SKAP1: variants seen among roughly 807,000 people sequenced by gnomAD.
SKAP1 encodes src kinase-associated phosphoprotein 1.
In SKAP1, 44 loss-of-function variants were observed where a neutral mutation model predicts 58.5. That is an observed-to-expected ratio of 0.75 (90% confidence interval 0.59 to 0.97). The LOEUF (loss-of-function observed/expected upper bound fraction) is 0.97, where lower values mean the gene tolerates loss of function less well. SKAP1 is among the 50% of genes least tolerant of loss of function. SKAP1 has a pLI of 0.00. For synonymous variants in SKAP1, 127 were observed against 149.7 expected (o/e 0.85, Z 1.11); for missense variants, 390 against 435.2 (o/e 0.90, Z 0.92).
chr17:48,250,279 T>G (rs1009245079), intron 4 of SKAP1, among the ~76,000 whole-genome samples: 3,530 of 68,194 alleles, frequency 0.052, 220 homozygotes, highest in African/African-American at 0.11. Flanking sequence ...ACAGTTTTTT[T>G]TTTTTTTTTT....
intron 4 of SKAP1, among the ~76,000 whole-genome samples, chr17:48,301,560 A>G (rs1374635720): frequency 6.6e-6 from 1 of 152,022 alleles, no homozygotes; most frequent in East Asian, 1.9e-4. Flanking sequence ...TCCTGGGTTC[A>G]AGAATTGCTT....
intron 9 of SKAP1, among the ~76,000 whole-genome samples, chr17:48,171,511 C>T (rs2064215956): frequency 6.6e-6 from 1 of 152,170 alleles, no homozygotes; most frequent in South Asian, 2.1e-4. Flanking sequence ...TCATTACATG[C>T]AAGACATTGC....
At chr17:48,139,314 T>TG (rs34835443) in intron 11 of SKAP1, among the ~76,000 whole-genome samples, 83,649 of 151,058 alleles carry the variant, frequency 0.55, 24,184 homozygotes, top group East Asian at 0.76. Context: ...CCTGAGTAGC[T>TG]GGGACTACAG....
chr17:48,443,460 C>CTGTCTGTTTGTT, the SKAP1 span, among the ~76,000 whole-genome samples: 1 of 149,984 alleles, frequency 6.7e-6, no homozygotes, highest in Non-Finnish European at 1.5e-5. Flanking sequence ...CAAGGTAAGT[C>CTGTCTGTTTGTT]TGTTTGTTTG....
chr17:48,343,438 A>G (rs1396933085), intron 4 of SKAP1, among the ~76,000 whole-genome samples: 1 of 152,164 alleles, frequency 6.6e-6, no homozygotes, highest in Non-Finnish European at 1.5e-5. Context: ...GCTAGATTCA[A>G]TGCTTTGCAG....
intron 2 of SKAP1, among the ~76,000 whole-genome samples, chr17:48,391,784 C>CTTTT (rs35958466): frequency 6.9e-5 from 9 of 130,856 alleles, no homozygotes; most frequent in Non-Finnish European, 1.3e-4. Context: ...CTACCTCTTC[C>CTTTT]TTTTTTTTTT....
intron 6 of SKAP1, 75 bp downstream of exon 6, chr17:48,187,768 A>T: frequency 8.8e-6 from 9 of 1,024,944 alleles, no homozygotes; most frequent in Non-Finnish European, 1.4e-5. Flanking sequence ...CTATCTTGGG[A>T]TCTAAGTGCT....
intron 3 of SKAP1, among the ~76,000 whole-genome samples, chr17:48,356,570 G>C (rs2066878829): frequency 6.6e-6 from 1 of 152,050 alleles, no homozygotes; most frequent in African/African-American, 2.4e-5. Context: ...AAGGGTCTCT[G>C]TGTGTGTGGC....
At chr17:48,348,924 T>A (rs1179266133) in intron 3 of SKAP1, among the ~76,000 whole-genome samples, 1 of 152,202 alleles carries the variant, frequency 6.6e-6, no homozygotes, top group African/African-American at 2.4e-5. Flanking sequence ...AAACAGAGCC[T>A]AGGTCAGTAG....
At chr17:48,356,112 C>T (rs577733386) in intron 3 of SKAP1, among the ~76,000 whole-genome samples, 2 of 151,546 alleles carry the variant, frequency 1.3e-5, no homozygotes, top group Admixed American at 6.6e-5. Context: ...AAATTAGCTG[C>T]GCATGGTGGC....
intron 1 of SKAP1, among the ~76,000 whole-genome samples, chr17:48,411,356 G>A (rs1280166987): frequency 2.6e-5 from 4 of 151,682 alleles, no homozygotes; most frequent in Admixed American, 6.6e-5. Context: ...CCGACATCAC[G>A]CCACTGCACA....
intron 2 of SKAP1, among the ~76,000 whole-genome samples, chr17:48,369,230 C>T (rs2067053058): frequency 6.6e-6 from 1 of 151,790 alleles, no homozygotes; most frequent in Non-Finnish European, 1.5e-5. Context: ...GTGGCTCACA[C>T]CTGTAATCCA....
intron 4 of SKAP1, among the ~76,000 whole-genome samples, chr17:48,208,895 T>C (rs2064839197): frequency 6.6e-6 from 1 of 152,200 alleles, no homozygotes; most frequent in Admixed American, 6.5e-5. Context: ...GATGCCAGGG[T>C]TCCATGTCTA....
At chr17:48,283,894 C>T (rs1484828592) in intron 4 of SKAP1, among the ~76,000 whole-genome samples, 1 of 152,138 alleles carries the variant, frequency 6.6e-6, no homozygotes, top group Admixed American at 6.6e-5. Context: ...GATTAATGTC[C>T]CAGACTCTCA....
chr17:48,201,885 T>C (rs1047758891), intron 4 of SKAP1, among the ~76,000 whole-genome samples: 4 of 152,366 alleles, frequency 2.6e-5, no homozygotes, highest in East Asian at 1.9e-4. Flanking sequence ...AGCTATAGAC[T>C]TTGAGTGGCT....
At chr17:48,365,968 C>A (rs971149581) in intron 2 of SKAP1, among the ~76,000 whole-genome samples, 3 of 152,048 alleles carry the variant, frequency 2.0e-5, no homozygotes, top group African/African-American at 7.2e-5. Flanking sequence ...CATGGCTTCA[C>A]CCTGCTAAAA....
chr17:48,200,303 A>C (rs907736465), intron 4 of SKAP1, among the ~76,000 whole-genome samples: 1 of 152,074 alleles, frequency 6.6e-6, no homozygotes, highest in Admixed American at 6.6e-5. Flanking sequence ...TTTCAAAAAA[A>C]AAGAATTAAA....
intron 4 of SKAP1, among the ~76,000 whole-genome samples, chr17:48,203,239 A>G (rs938678347): frequency 6.6e-6 from 1 of 152,194 alleles, no homozygotes; most frequent in Admixed American, 6.5e-5. Context: ...ATTAAGCTCA[A>G]CTTTCTTTTC....
At chr17:48,208,127 C>T (rs1003986668) in intron 4 of SKAP1, among the ~76,000 whole-genome samples, 4 of 152,074 alleles carry the variant, frequency 2.6e-5, no homozygotes, top group African/African-American at 9.7e-5. Flanking sequence ...GAGTGGAAAT[C>T]GTGTTTTCAG....
Sources: gnomAD v4.1 joint callset for allele counts (sites outside exome capture counted in the v4.1 genomes callset) on GRCh38, gnomAD v4.1.1 for gene constraint, MANE v1.5 for transcripts, NCBI Gene and HGNC (gene_info 2026-07-23, HGNC 2026-07-21) for gene names.